Variants in SCN8A observed in about 807,000 individuals in gnomAD.
The protein encoded by SCN8A is sodium voltage-gated channel alpha subunit 8.
A neutral mutation model predicts 184.1 loss-of-function variants in SCN8A; 30 were observed. The ratio of observed to expected loss-of-function variants is 0.16; its 90% confidence interval spans 0.12 to 0.22. The LOEUF is 0.22. Ranked by LOEUF, SCN8A falls within the 10% of genes least tolerant of loss-of-function variation. The pLI, the probability that SCN8A is intolerant of heterozygous loss-of-function variation, is 1.00. For synonymous variants in SCN8A, 852 were observed against 907.0 expected, an observed-to-expected ratio of 0.94 and a Z score of 1.09; for missense variants, 1,057 against 2,498.9, an observed-to-expected ratio of 0.42 and a Z score of 12.30.
chr12:51,764,973 A>G (rs1158631242), intron 15 of SCN8A, among the ~76,000 whole-genome samples: 1 of 151,690 alleles, frequency 6.6e-6, no homozygotes, highest in African/African-American at 2.4e-5. Flanking sequence ...ACGGCATTTC[A>G]CCATGTTGGC....
chr12:51,717,802 CAG>C (rs1453363897), intron 11 of SCN8A, among the ~76,000 whole-genome samples: 1 of 152,194 alleles, frequency 6.6e-6, no homozygotes, highest in Non-Finnish European at 1.5e-5. Flanking sequence ...CAAAATAAGT[CAG>C]GGTCATCCTG....
At chr12:51,649,445 G>A (rs572696584) in intron 1 of SCN8A, among the ~76,000 whole-genome samples, 5 of 152,278 alleles carry the variant, frequency 3.3e-5, no homozygotes, top group East Asian at 1.9e-4. Context: ...CTCCATAAGC[G>A]TCCTGCCCCA....
At chr12:51,749,621 C>T (rs1228156878) in intron 13 of SCN8A, among the ~76,000 whole-genome samples, 3 of 152,078 alleles carry the variant, frequency 2.0e-5, no homozygotes, top group East Asian at 3.9e-4. Flanking sequence ...TCCTTTCCCA[C>T]GCAGCCTCCC....
At chr12:51,597,813 T>C (rs1206025122) in intron 1 of SCN8A, among the ~76,000 whole-genome samples, 2 of 152,182 alleles carry the variant, frequency 1.3e-5, no homozygotes, top group Non-Finnish European at 2.9e-5. Flanking sequence ...CTTAATTTAT[T>C]ATATATTTAG....
At chr12:51,665,932 C>T (rs1016547269) in intron 2 of SCN8A, among the ~76,000 whole-genome samples, 3 of 151,966 alleles carry the variant, frequency 2.0e-5, no homozygotes, top group Admixed American at 6.6e-5. Context: ...TATGGTGGCA[C>T]GGGCCTGTAA....
intron 14 of SCN8A, among the ~76,000 whole-genome samples, chr12:51,752,410 T>C (rs1324493985): frequency 6.6e-6 from 1 of 151,714 alleles, no homozygotes; most frequent in Non-Finnish European, 1.5e-5. Flanking sequence ...ACTCTCTCTC[T>C]CCCTCTCTCA....
chr12:51,751,305 T>G lies in SCN8A; in HGVS notation c.2132-50T>G, dbSNP rs200389862. The G allele has an allele frequency of 1.7e-3, 2,168 of 1,239,666 alleles. 7 individuals are homozygous for G. The highest frequency in any genetic ancestry group is 2.3e-3 in the Non-Finnish European group (1,971 of 853,554). 76.8% of individuals were successfully genotyped at this position (1,239,666 alleles called of 1,614,324 possible). ...ACTGAGAGTGAGTAGTGTGTCCCCC[T>G]GGTTTTCTTGCTGTGATTGAGGGGC... is the stretch of plus-strand genomic sequence containing the variant. On this transcript the variant is annotated intron_variant, in intron 13 of 26. Coordinates refer to ENST00000627620, the MANE Select transcript of SCN8A (RefSeq NM_001330260.2).
At chr12:51,648,631 T>C (rs959741967) in intron 1 of SCN8A, among the ~76,000 whole-genome samples, 1 of 152,114 alleles carries the variant, frequency 6.6e-6, no homozygotes, top group Non-Finnish European at 1.5e-5. Flanking sequence ...CGGAAACCCT[T>C]GATAAAACCA....
At chr12:51,638,427 C>G (rs1217418906) in intron 1 of SCN8A, among the ~76,000 whole-genome samples, 1 of 151,840 alleles carries the variant, frequency 6.6e-6, no homozygotes, top group African/African-American at 2.4e-5. Flanking sequence ...GTAAGAATAT[C>G]TGTCATCTGT....
At chr12:51,686,052 A>T (rs1941414214) in intron 3 of SCN8A, among the ~76,000 whole-genome samples, 1 of 152,246 alleles carries the variant, frequency 6.6e-6, no homozygotes, top group South Asian at 2.1e-4. Flanking sequence ...AGTGCAAAAA[A>T]CATTTAGAGG....
intron 6 of SCN8A, among the ~76,000 whole-genome samples, chr12:51,697,279 T>G (rs1941611466): frequency 6.6e-6 from 1 of 152,200 alleles, no homozygotes; most frequent in South Asian, 2.1e-4. Context: ...CTGCATCCTT[T>G]ATCTCTACAG....
At chr12:51,789,259 C>T (rs750489890) in intron 23 of SCN8A, 22 bp from the exon 24 acceptor site, 4 of 1,613,398 alleles carry the variant, frequency 2.5e-6, no homozygotes, top group Non-Finnish European at 3.4e-6. Flanking sequence ...GATTCTCTTC[C>T]TTTTATCCTG....
intron 14 of SCN8A, among the ~76,000 whole-genome samples, chr12:51,759,984 C>T (rs1942738110): frequency 6.6e-6 from 1 of 152,194 alleles, no homozygotes; most frequent in Admixed American, 6.5e-5. Flanking sequence ...ACAAAGCCCA[C>T]TATTGAGATA....
intron 1 of SCN8A, among the ~76,000 whole-genome samples, chr12:51,609,953 C>T (rs1294527170): frequency 6.6e-6 from 1 of 150,962 alleles, no homozygotes; most frequent in Non-Finnish European, 1.5e-5. Context: ...GCACATGTAC[C>T]CTAAAACTTA....
intron 2 of SCN8A, among the ~76,000 whole-genome samples, chr12:51,667,330 C>A (rs950878916): frequency 6.6e-6 from 1 of 151,808 alleles, no homozygotes; most frequent in African/African-American, 2.4e-5. Flanking sequence ...TTTTCTTAAA[C>A]CTATTGAAGT....
chr12:51,632,827 A>G (rs1940226383), intron 1 of SCN8A, among the ~76,000 whole-genome samples: 1 of 152,100 alleles, frequency 6.6e-6, no homozygotes, highest in Non-Finnish European at 1.5e-5. Context: ...TGTTCAAGGC[A>G]CTTTGCAGCA....
In SCN8A at chr12:51,662,913, C is replaced by T; in HGVS notation, c.96C>T (p.Ser32=). The T allele has an allele frequency of 4.3e-6, 7 of 1,614,022 alleles. No homozygotes were observed. The highest frequency in any genetic ancestry group is 5.9e-6 in the Non-Finnish European group (7 of 1,179,906). The change falls in exon 2 of 27, where the codon AGC becomes AGT. Residue 32 remains serine, a synonymous_variant. Transcript: ENST00000627620. ...LANIERRIAE[S]KLKKPPKADG... The stretch of plus-strand genomic sequence containing the variant: ...ACATTGAGAGGCGCATTGCTGAGAG[C>T]AAGCTCAAGAAACCACCAAAGGCCG...
intron 6 of SCN8A, among the ~76,000 whole-genome samples, chr12:51,697,696 C>T (rs1394459347): frequency 6.6e-6 from 1 of 152,154 alleles, no homozygotes; most frequent in African/African-American, 2.4e-5. Context: ...TATAAATTAT[C>T]TATTTAAACC....
rs1399723604 is a variant in SCN8A, at chr12:51,605,218, G to GATAC, written c.-55+13860_-55+13861insTACA. Among the ~76,000 whole-genome samples the GATAC allele has an allele frequency of 3.3e-5, 5 of 151,142 alleles. No individual in the cohort carries two copies. In the East Asian group the frequency reaches 9.6e-4, roughly 29 times the overall value. On this transcript the variant is annotated intron_variant, in intron 1 of 26. Transcript: ENST00000627620. ...TGAGATTTTGGTGTACCCATCACCTGAGCAGTACACACTGCACCATATTTG... is the reference window on the plus strand; with the variant it reads ...TGAGATTTTGGTGTACCCATCACCTGATACAGCAGTACACACTGCACCATATTTG...
Sources: gnomAD v4.1 joint callset for allele counts (sites outside exome capture counted in the v4.1 genomes callset) on GRCh38, gnomAD v4.1.1 for gene constraint, MANE v1.5 for transcripts, NCBI Gene and HGNC (gene_info 2026-07-23, HGNC 2026-07-21) for gene names.